The following RIMS2 variants were observed in gnomAD, a reference collection of about 807,000 sequenced individuals.
The protein encoded by RIMS2 is regulating synaptic membrane exocytosis protein 2.
A neutral mutation model predicts 174.4 loss-of-function variants in RIMS2; 59 were observed. The observed-to-expected ratio is 0.34, with a 90% CI of 0.27 to 0.42. The LOEUF (loss-of-function observed/expected upper bound fraction) is 0.42, where lower values mean the gene tolerates loss of function less well. Ranked by LOEUF, RIMS2 falls within the 10% of genes least tolerant of loss-of-function variation. The pLI is 1.00. For missense variants in RIMS2, 1,620 were observed against 1,666.3 expected (o/e 0.97, Z 0.48); for synonymous variants, 606 against 572.5 (o/e 1.06, Z -0.84).
chr8:103,844,878 A>C (rs1238293642), intron 3 of RIMS2, among the ~76,000 whole-genome samples: 1 of 152,026 alleles, frequency 6.6e-6, no homozygotes, highest in Non-Finnish European at 1.5e-5. Context: ...CCACTCAGTA[A>C]AAATATTCAG....
chr8:103,581,608 G>T (rs1321024556), intron 1 of RIMS2, among the ~76,000 whole-genome samples: 1 of 152,188 alleles, frequency 6.6e-6, no homozygotes, highest in Non-Finnish European at 1.5e-5. Context: ...CAATATAAAA[G>T]TGAAAGTCCT....
chr8:103,764,140 G>A (rs1451732194), intron 2 of RIMS2, among the ~76,000 whole-genome samples: 3 of 152,162 alleles, frequency 2.0e-5, no homozygotes, highest in Non-Finnish European at 4.4e-5. Context: ...AATACATTAA[G>A]TAACCTGCTT....
intron 19 of RIMS2, among the ~76,000 whole-genome samples, chr8:104,028,135 A>AG (rs2096296511): frequency 6.6e-6 from 1 of 151,894 alleles, no homozygotes; most frequent in African/African-American, 2.4e-5. Context: ...CTCTAAAAAA[A>AG]AAAAGATCTA....
intron 1 of RIMS2, among the ~76,000 whole-genome samples, chr8:103,592,809 G>A (rs1039038088): frequency 6.6e-6 from 1 of 151,276 alleles, no homozygotes; most frequent in Non-Finnish European, 1.5e-5. Context: ...TTGACTTAAG[G>A]TCTTTAATGA....
chr8:104,062,173 A>G (rs1417770938), intron 19 of RIMS2, among the ~76,000 whole-genome samples: 2 of 152,144 alleles, frequency 1.3e-5, no homozygotes, highest in Non-Finnish European at 2.9e-5. Flanking sequence ...TGGGAGGCTG[A>G]GGCGGGCAGA....
rs185138315 is a variant in RIMS2 at position 103,885,238 on chromosome 8, T to C, written c.699-60T>C. The C allele has an allele frequency of 2.0e-4, 292 of 1,479,332 alleles. No homozygotes were observed. In the East Asian group the frequency reaches 5.4e-3, roughly 27 times the overall value. The allele number at this position is 1,479,332 out of a possible 1,614,324, so 91.6% of individuals were successfully genotyped here. ...ATCCATCAACCTGCCAGCAAATCAA[T>C]GAAATGTAAAATTGATAAACTTTTG... On this transcript the variant is annotated intron_variant, in intron 3 of 23. Coordinates refer to ENST00000504942, the Ensembl canonical transcript of RIMS2.
chr8:103,796,005 A>G (rs1453596148), intron 3 of RIMS2, among the ~76,000 whole-genome samples: 1 of 152,132 alleles, frequency 6.6e-6, no homozygotes, highest in South Asian at 2.1e-4. Flanking sequence ...TCTTATGGCC[A>G]TTTAAAGATA....
At chr8:103,981,529 C>T (rs1476036209) in intron 16 of RIMS2, among the ~76,000 whole-genome samples, 1 of 152,080 alleles carries the variant, frequency 6.6e-6, no homozygotes, top group Non-Finnish European at 1.5e-5. Flanking sequence ...CAAGACTTCA[C>T]CAAATGAACT....
intron 1 of RIMS2, among the ~76,000 whole-genome samples, chr8:103,587,474 A>G (rs1173255356): frequency 6.6e-6 from 1 of 151,358 alleles, no homozygotes; most frequent in East Asian, 1.9e-4. Context: ...GAAAGAAACT[A>G]TGCACCAATA....
chr8:103,820,712 ACTTT>A (rs1221870831), intron 3 of RIMS2, among the ~76,000 whole-genome samples: 2 of 151,772 alleles, frequency 1.3e-5, no homozygotes, highest in Non-Finnish European at 3.0e-5. Flanking sequence ...ATAAAATTTC[ACTTT>A]CTTTCCTCAA....
In RIMS2 at chr8:104,177,365, A is replaced by G. The variant is rs146647476; in HGVS notation, c.3335-67551A>G. Reference sequence around the variant, plus strand: ...TATATTCTATATAACAGCTATTTCCATAGGGACTACATTAGGATGGCAAAT... The same window carrying G: ...TATATTCTATATAACAGCTATTTCCGTAGGGACTACATTAGGATGGCAAAT... On this transcript the variant is annotated intron_variant, in intron 19 of 23. Coordinates refer to ENST00000504942, the Ensembl canonical transcript of RIMS2. 8.4e-3 allele frequency among the ~76,000 whole-genome samples: 1,274 copies of G among 152,236 alleles called. 16 individuals are homozygous for G. Among genetic ancestry groups the G allele is most frequent in the African/African-American group, 0.03 (1,232 of 41,570 alleles).
chr8:104,000,679 T>A (rs183831970), intron 17 of RIMS2, among the ~76,000 whole-genome samples: 1 of 151,976 alleles, frequency 6.6e-6, no homozygotes, highest in African/African-American at 2.4e-5. Flanking sequence ...CCACCAGCAG[T>A]GTACAAGCAC....
chr8:103,652,171 CA>C, intron 1 of RIMS2, 33 bp from the exon 2 acceptor site: 7 of 1,251,642 alleles, frequency 5.6e-6, no homozygotes, highest in Non-Finnish European at 7.5e-6. Context: ...CTTCATAGTA[CA>C]GTGCACTCAG....
intron 19 of RIMS2, among the ~76,000 whole-genome samples, chr8:104,100,771 C>G (rs2097855889): frequency 6.9e-6 from 1 of 144,654 alleles, no homozygotes; most frequent in South Asian, 2.1e-4. Context: ...ATGCCAAAAA[C>G]ATACTAATCC....
chr8:103,826,445 G>T (rs2098791573), intron 3 of RIMS2, among the ~76,000 whole-genome samples: 2 of 151,150 alleles, frequency 1.3e-5, no homozygotes, highest in Non-Finnish European at 1.5e-5. Context: ...TTTCCATTTG[G>T]TTATCCAGTT....
At chr8:103,942,844 C>G in exon 14 of RIMS2, 1 of 1,612,708 alleles carries the variant, frequency 6.2e-7, no homozygotes, top group East Asian at 2.2e-5. Flanking sequence ...CGCATGATGT[C>G]TCTTCATTGC....
chr8:103,893,568 CCATCA>C (rs1168740187), intron 4 of RIMS2, among the ~76,000 whole-genome samples: 1 of 151,904 alleles, frequency 6.6e-6, no homozygotes, highest in East Asian at 1.9e-4. Flanking sequence ...ACAATTCAGC[CCATCA>C]CTTTTCTGTA....
chr8:104,112,445 A>G (rs1349441229), intron 19 of RIMS2, among the ~76,000 whole-genome samples: 2 of 152,094 alleles, frequency 1.3e-5, no homozygotes, highest in Admixed American at 1.3e-4. Flanking sequence ...TTTCTATATA[A>G]TACCTACATA....
At chr8:103,702,985 G>GTT (rs35590857) in intron 2 of RIMS2, among the ~76,000 whole-genome samples, 4,973 of 107,022 alleles carry the variant, frequency 0.046, 319 homozygotes, top group African/African-American at 0.15. Flanking sequence ...TTGTGAGTTT[G>GTT]TTTTTTTTTT....
Sources: allele counts gnomAD v4.1 joint callset (sites outside exome capture counted in the v4.1 genomes callset), GRCh38; gene constraint gnomAD v4.1.1; transcripts MANE v1.5; gene names NCBI Gene and HGNC (gene_info 2026-07-23, HGNC 2026-07-21).